CACHD1: variants seen among roughly 807,000 people sequenced by gnomAD.
CACHD1 encodes the protein VWFA and cache domain-containing protein 1.
Under a neutral mutation model 138.7 loss-of-function variants are expected in CACHD1, and 71 were observed. The observed-to-expected ratio is 0.51, with a 90% CI of 0.42 to 0.62. The LOEUF (loss-of-function observed/expected upper bound fraction) is 0.62. Ranked by LOEUF, CACHD1 falls within the 20% of genes least tolerant of loss-of-function variation. CACHD1 has a pLI of 0.00. For missense variants in CACHD1, 1,389 were observed against 1,625.3 expected (o/e 0.85, Z 2.50); for synonymous variants, 578 against 591.5 (o/e 0.98, Z 0.33).
chr1:64,621,694 A>C (rs2100616811), intron 4 of CACHD1, among the ~76,000 whole-genome samples: 1 of 152,304 alleles, frequency 6.6e-6, no homozygotes, highest in African/African-American at 2.4e-5. Flanking sequence ...TCCCCGGCCT[A>C]AGGATCACCT....
At chr1:64,638,460 G>T (rs1269190680) in intron 7 of CACHD1, among the ~76,000 whole-genome samples, 1 of 152,188 alleles carries the variant, frequency 6.6e-6, no homozygotes, top group African/African-American at 2.4e-5. Context: ...CAACCAGAAG[G>T]TCTAAAACTT....
chr1:64,553,129 G>A (rs909831028), intron 2 of CACHD1, among the ~76,000 whole-genome samples: 9 of 152,228 alleles, frequency 5.9e-5, no homozygotes, highest in African/African-American at 1.7e-4. Context: ...TTCTTCTTCT[G>A]TGACATGATT....
At chr1:64,581,840 C>A (rs916516938) in intron 2 of CACHD1, among the ~76,000 whole-genome samples, 1 of 152,204 alleles carries the variant, frequency 6.6e-6, no homozygotes, top group Admixed American at 6.5e-5. Flanking sequence ...GTCATGCTGA[C>A]AATAATGTCA....
At chr1:64,620,693 T>C (rs1647882127) in intron 4 of CACHD1, among the ~76,000 whole-genome samples, 1 of 152,220 alleles carries the variant, frequency 6.6e-6, no homozygotes, top group Admixed American at 6.5e-5. Flanking sequence ...CCATACTCTT[T>C]CTTTCTTAAT....
chr1:64,584,515 G>T (rs1023155134), intron 3 of CACHD1, among the ~76,000 whole-genome samples: 1 of 152,076 alleles, frequency 6.6e-6, no homozygotes, highest in African/African-American at 2.4e-5. Context: ...CTCAACAATT[G>T]CCCTTTCTTC....
chr1:64,488,895 T>C (rs1246602407), intron 1 of CACHD1, among the ~76,000 whole-genome samples: 1 of 152,204 alleles, frequency 6.6e-6, no homozygotes, highest in Non-Finnish European at 1.5e-5. Flanking sequence ...ATACCTAGGA[T>C]AGAAAAGTCA....
chr1:64,570,139 A>G (rs772212132), intron 2 of CACHD1, among the ~76,000 whole-genome samples: 1 of 152,178 alleles, frequency 6.6e-6, no homozygotes, highest in Non-Finnish European at 1.5e-5. Flanking sequence ...CTGGCGAGCA[A>G]CTCAAGAACA....
At position 64,642,916 on chromosome 1, in the gene CACHD1, G is replaced by A. The variant is rs186072077; in HGVS notation, c.1156+947G>A. Among the ~76,000 whole-genome samples, 7 of 151,582 alleles carry A rather than the reference G, an allele frequency of 4.6e-5. No individual in the cohort carries two copies. The East Asian group carries it at 1.2e-3, about 25-fold the overall frequency. ...TAGCTGGGCGTGGTGGTGTGCGCCT[G>A]TAGTCCCAGCTACTCGGGAGGTTGA... On this transcript the variant is annotated intron_variant, in intron 8 of 26. Coordinates refer to ENST00000651257, the MANE Select transcript of CACHD1 (RefSeq NM_020925.4).
At chr1:64,519,464 T>A (rs1646482110) in intron 1 of CACHD1, among the ~76,000 whole-genome samples, 1 of 152,218 alleles carries the variant, frequency 6.6e-6, no homozygotes, top group Non-Finnish European at 1.5e-5. Flanking sequence ...GTGAAAAGAT[T>A]GACTGACTTA....
intron 2 of CACHD1, among the ~76,000 whole-genome samples, chr1:64,565,979 T>C (rs1201248479): frequency 6.6e-6 from 1 of 152,180 alleles, no homozygotes; most frequent in Non-Finnish European, 1.5e-5. Flanking sequence ...ATTAAATCTT[T>C]TCTCACATAA....
chr1:64,675,993 T>TTAATAATAA lies in CACHD1; in HGVS notation c.2975+49_2975+57dup, dbSNP rs6143245. The TTAATAATAA allele has an allele frequency of 1.4e-4, 58 of 421,750 alleles. No homozygotes were observed. Among genetic ancestry groups the TTAATAATAA allele is most frequent in the Admixed American group, 2.9e-4 (6 of 20,812 alleles). 26.1% of individuals were successfully genotyped at this position (421,750 alleles called of 1,614,324 possible). Reference sequence around the variant, plus strand: ...CCAATGCAGAGAACCGGTAAAATAATTAATAATAATAATAATAATAATAAT... The same window carrying TTAATAATAA: ...CCAATGCAGAGAACCGGTAAAATAATTAATAATAATAATAATAATAATAATAATAATAAT... On this transcript the variant is annotated intron_variant, in intron 21 of 26. Coordinates refer to ENST00000651257, the MANE Select transcript of CACHD1 (RefSeq NM_020925.4).
intron 19 of CACHD1, among the ~76,000 whole-genome samples, chr1:64,673,843 A>C (rs1649897622): frequency 6.6e-6 from 1 of 152,198 alleles, no homozygotes; most frequent in Non-Finnish European, 1.5e-5. Flanking sequence ...TTAAATTCCC[A>C]AGGCCAAGTT....
intron 1 of CACHD1, among the ~76,000 whole-genome samples, chr1:64,483,871 C>T (rs532454296): frequency 1.6e-4 from 24 of 145,938 alleles, no homozygotes; most frequent in Non-Finnish European, 3.4e-4. Context: ...CCTTCCCCCC[C>T]CCCCTTGCAT....
intron 26 of CACHD1, among the ~76,000 whole-genome samples, chr1:64,689,224 A>G (rs1308866095): frequency 1.3e-5 from 2 of 152,208 alleles, no homozygotes. Flanking sequence ...CACTTCTGAG[A>G]TTCTGGCTAG....
rs536968001 is a variant in CACHD1, at chr1:64,470,562, C to T, written c.-183C>T. 1.5e-3 allele frequency among the ~76,000 whole-genome samples: 221 copies of T among 151,920 alleles called. No individual in the cohort carries two copies. Among genetic ancestry groups the T allele is most frequent in the Non-Finnish European group, 2.5e-3 (173 of 67,920 alleles). On this transcript the variant is annotated 5_prime_UTR_variant, in exon 1 of 27. Coordinates refer to ENST00000651257, the MANE Select transcript of CACHD1 (RefSeq NM_020925.4). This position sits in a 1 kb window ranked among gnomAD's most constrained non-coding sequence, Gnocchi z 5.2. ...GCGGAGCCCCGCGATGGTGGCCGCC[C>T]GCGCTCCCGCGCTGTAGCCGGGCGC...
In CACHD1 at chr1:64,666,108, C is replaced by T. The variant is rs758889447; in HGVS notation, c.2328C>T (p.Tyr776=). The change falls in exon 16 of 27, where the codon TAC becomes TAT. Residue 776 remains tyrosine, a synonymous_variant. Transcript: ENST00000651257. ...NPGLISLTGP[Y]LDVGGAGYVV... ...GGTTGATTTCTTTGACTGGTCCTTACTTAGATGTTGGAGGAGCTGGTTATG... is the reference window on the plus strand; with the variant it reads ...GGTTGATTTCTTTGACTGGTCCTTATTTAGATGTTGGAGGAGCTGGTTATG... 6.2e-7 allele frequency: 1 copy of T among 1,613,498 alleles called. No individual in the cohort carries two copies. The highest frequency in any genetic ancestry group is 1.3e-5 in the African/African-American group (1 of 75,026).
intron 13 of CACHD1, among the ~76,000 whole-genome samples, chr1:64,660,204 G>C (rs1374504943): frequency 6.6e-6 from 1 of 152,202 alleles, no homozygotes; most frequent in Non-Finnish European, 1.5e-5. Flanking sequence ...GCTACTGCTG[G>C]TGAAAATTAG....
At chr1:64,475,885 G>T (rs1646172242) in intron 1 of CACHD1, among the ~76,000 whole-genome samples, 2 of 152,120 alleles carry the variant, frequency 1.3e-5, no homozygotes, top group Non-Finnish European at 2.9e-5. Context: ...ACTAATGATG[G>T]AAATAGACAC....
chr1:64,635,508 T>TTC (rs1648494494), intron 7 of CACHD1, among the ~76,000 whole-genome samples: 1 of 150,352 alleles, frequency 6.7e-6, no homozygotes, highest in Non-Finnish European at 1.5e-5. Context: ...CTCAGCCTCC[T>TTC]GAGTAGCTGG....
Sources: gnomAD v4.1 joint callset for allele counts (sites outside exome capture counted in the v4.1 genomes callset) on GRCh38, gnomAD v4.1.1 for gene constraint, Gnocchi (gnomAD v3.1) non-coding constraint, MANE v1.5 for transcripts, NCBI Gene and HGNC (gene_info 2026-07-23, HGNC 2026-07-21) for gene names.